Variants in SAMD12 observed in about 807,000 individuals in gnomAD.
SAMD12 encodes the protein sterile alpha motif domain-containing protein 12.
Under a neutral mutation model 15.0 loss-of-function variants are expected in SAMD12, and 9 were observed. The observed-to-expected ratio is 0.60, with a 90% CI of 0.36 to 1.05. SAMD12 has a LOEUF of 1.05. SAMD12 is among the 50% of genes least tolerant of loss of function. The pLI is 0.01. For synonymous variants in SAMD12, 86 were observed against 90.1 expected (o/e 0.96, Z 0.25); for missense variants, 230 against 234.2 (o/e 0.98, Z 0.12).
chr8:118,398,327 C>T (rs767132836), intron 3 of SAMD12, among the ~76,000 whole-genome samples: 14 of 152,050 alleles, frequency 9.2e-5, no homozygotes, highest in Middle Eastern at 3.4e-3. Flanking sequence ...TGAACCTGGC[C>T]GATGCAGGTT....
intron 4 of SAMD12, among the ~76,000 whole-genome samples, chr8:118,269,220 C>CTGTGTGTG (rs71515963): frequency 1.3e-4 from 16 of 123,042 alleles, no homozygotes; most frequent in South Asian, 3.1e-4. Flanking sequence ...CTCTCTCTCT[C>CTGTGTGTG]TGTGTGTGTG....
chr8:118,327,307 C>G (rs1816613156), intron 4 of SAMD12, among the ~76,000 whole-genome samples: 1 of 152,112 alleles, frequency 6.6e-6, no homozygotes, highest in Non-Finnish European at 1.5e-5. Context: ...TCTCTGTAGC[C>G]CTTCATCACA....
At chr8:118,441,803 T>G (rs1822771602) in intron 2 of SAMD12, among the ~76,000 whole-genome samples, 1 of 152,074 alleles carries the variant, frequency 6.6e-6, no homozygotes, top group South Asian at 2.1e-4. Flanking sequence ...ACTTCTGAGG[T>G]TAGGTCATAA....
rs1249098958 is a variant in SAMD12, at chr8:118,390,492, T to C, written c.323-10792A>G. Among the ~76,000 whole-genome samples the C allele has an allele frequency of 2.0e-5, 3 of 152,158 alleles. No homozygotes were observed. The East Asian group carries it at 5.8e-4, about 29-fold the overall frequency. ...CCAAGACCAAGTCTGAGCTAGCCCT[T>C]CATTTTTCATAACCTAGAGATGCAT... On this transcript the variant is annotated intron_variant, in intron 3 of 3. Transcript: ENST00000314727.
At chr8:118,570,935 C>T (rs894133752) in intron 2 of SAMD12, among the ~76,000 whole-genome samples, 3 of 152,188 alleles carry the variant, frequency 2.0e-5, no homozygotes, top group Non-Finnish European at 2.9e-5. Context: ...TGCCTGCTGC[C>T]ATTCATGTAA....
intron 4 of SAMD12, among the ~76,000 whole-genome samples, chr8:118,217,967 C>T (rs1346214159): frequency 6.6e-6 from 1 of 152,152 alleles, no homozygotes; most frequent in Non-Finnish European, 1.5e-5. Flanking sequence ...CTCCATGGTG[C>T]CTCACCATGG....
chr8:118,212,082 G>GTGTGTTTGTA (rs1811844738), intron 4 of SAMD12, among the ~76,000 whole-genome samples: 1 of 151,864 alleles, frequency 6.6e-6, no homozygotes, highest in African/African-American at 2.4e-5. Flanking sequence ...GTGTGTGTGT[G>GTGTGTTTGTA]TTTGTGTGAA....
At chr8:118,526,832 A>C (rs990256053) in intron 2 of SAMD12, among the ~76,000 whole-genome samples, 6 of 152,208 alleles carry the variant, frequency 3.9e-5, no homozygotes, top group African/African-American at 1.4e-4. Flanking sequence ...ATGGAACAGA[A>C]AAAGGAAGAC....
intron 2 of SAMD12, among the ~76,000 whole-genome samples, chr8:118,487,881 AACTC>A (rs1358952903): frequency 6.6e-6 from 1 of 152,128 alleles, no homozygotes; most frequent in Non-Finnish European, 1.5e-5. Context: ...AGACTGACAA[AACTC>A]ACTATGATTT....
intron 3 of SAMD12, among the ~76,000 whole-genome samples, chr8:118,405,288 T>G (rs1222280784): frequency 6.6e-6 from 1 of 152,150 alleles, no homozygotes; most frequent in Non-Finnish European, 1.5e-5. Context: ...CATGACAGCT[T>G]TACTGGAAAT....
rs112801380 is a variant in SAMD12 at position 118,271,941 on chromosome 8, C to T, written c.434-74209G>A. Among the ~76,000 whole-genome samples the T allele has an allele frequency of 1.0e-3, 152 of 152,322 alleles. No homozygotes were observed. The Middle Eastern group carries it at 0.017, about 17-fold the overall frequency. On this transcript the variant is annotated intron_variant, in intron 4 of 4. Coordinates refer to the SAMD12 transcript ENST00000409003. ...AGTGCCTGTGGCTTTTCCAGACTCA[C>T]AGTGCAAGCTGTCAGTGGATCTACA...
At chr8:118,284,704 A>G (rs891882113) in intron 4 of SAMD12, 6 of 169,594 alleles carry the variant, frequency 3.5e-5, no homozygotes, top group African/African-American at 1.4e-4. Context: ...GCACTTTGGG[A>G]GGCCAAGGCG....
chr8:118,291,602 C>A (rs912525076), intron 4 of SAMD12, among the ~76,000 whole-genome samples: 16 of 152,056 alleles, frequency 1.1e-4, no homozygotes, highest in Non-Finnish European at 2.2e-4. Flanking sequence ...TTCTGCCAGT[C>A]CTCAGCTCTG....
rs139558238 is a variant in SAMD12 at position 118,401,595 on chromosome 8, C to T, written c.323-21895G>A. Among the ~76,000 whole-genome samples, 165 of 149,056 alleles carry T rather than the reference C, an allele frequency of 1.1e-3. 2 individuals carry two copies. In the East Asian group the frequency reaches 0.028, roughly 26 times the overall value. Reference sequence around the variant, plus strand: ...CTCACTATGTTTCCCTGGCTGGTCTCGAACTTTGGCCTCATGCGATCCTCT... The same window carrying T: ...CTCACTATGTTTCCCTGGCTGGTCTTGAACTTTGGCCTCATGCGATCCTCT... On this transcript the variant is annotated intron_variant, in intron 3 of 3. Transcript: ENST00000314727.
intron 3 of SAMD12, among the ~76,000 whole-genome samples, chr8:118,402,149 C>T (rs9642840): frequency 0.24 from 37,066 of 151,978 alleles, 4,629 homozygotes; most frequent in East Asian, 0.27. Context: ...AAAAATCACA[C>T]ACCACAAAAG....
intron 2 of SAMD12, among the ~76,000 whole-genome samples, chr8:118,578,336 T>C (rs1476339911): frequency 6.6e-6 from 1 of 152,168 alleles, no homozygotes; most frequent in Non-Finnish European, 1.5e-5. Flanking sequence ...TTTGCACATA[T>C]GAATGATTAT....
At chr8:118,321,144 A>AATAAATAAATATAT (rs57107358) in intron 4 of SAMD12, among the ~76,000 whole-genome samples, 41 of 94,456 alleles carry the variant, frequency 4.3e-4, no homozygotes, top group African/African-American at 1.5e-3. Context: ...ATAGATAATA[A>AATAAATAAATATAT]ATATATATAT....
chr8:118,161,321 T>C, the SAMD12 span, among the ~76,000 whole-genome samples: 2 of 152,184 alleles, frequency 1.3e-5, no homozygotes, highest in Non-Finnish European at 2.9e-5. Context: ...TGTTGGCTCA[T>C]GCCTATAATC....
intron 2 of SAMD12, among the ~76,000 whole-genome samples, chr8:118,484,811 T>C (rs1242647680): frequency 6.6e-6 from 1 of 152,212 alleles, no homozygotes. Context: ...CCTTTGTCTC[T>C]AGAAGGGTGG....
Sources: allele counts gnomAD v4.1 joint callset (sites outside exome capture counted in the v4.1 genomes callset), GRCh38; gene constraint gnomAD v4.1.1; transcripts MANE v1.5; gene names NCBI Gene and HGNC (gene_info 2026-07-23, HGNC 2026-07-21).